Variants in FRMD5 observed in about 807,000 individuals in gnomAD.
FRMD5 encodes FERM domain-containing protein 5.
A neutral mutation model predicts 69.0 loss-of-function variants in FRMD5; 20 were observed. The observed-to-expected ratio is 0.29, with a 90% confidence interval of 0.20 to 0.42. The LOEUF is 0.42. FRMD5 is among the 10% of genes least tolerant of loss of function. The pLI, the probability that FRMD5 is intolerant of heterozygous loss-of-function variation, is 1.00. For synonymous variants in FRMD5, 271 were observed against 260.1 expected (o/e 1.04, Z -0.40); for missense variants, 595 against 708.6 (o/e 0.84, Z 1.82).
At chr15:43,878,102 A>G (rs1180168197) in intron 13 of FRMD5, among the ~76,000 whole-genome samples, 1 of 152,180 alleles carries the variant, frequency 6.6e-6, no homozygotes, top group African/African-American at 2.4e-5. Context: ...TCCCAGGCTC[A>G]GGTGATCCTC....
chr15:44,030,199 T>TC (rs1365331010), intron 1 of FRMD5, among the ~76,000 whole-genome samples: 6 of 152,128 alleles, frequency 3.9e-5, no homozygotes. Context: ...ACTGATTTTT[T>TC]TTTTTTACAA....
intron 1 of FRMD5, among the ~76,000 whole-genome samples, chr15:44,154,524 T>G (rs1053748466): frequency 2.0e-5 from 3 of 152,190 alleles, no homozygotes; most frequent in Non-Finnish European, 4.4e-5. Flanking sequence ...AAATAGTTAT[T>G]TATGATTTAT....
At chr15:43,903,118 G>T (rs1000968044) in intron 6 of FRMD5, among the ~76,000 whole-genome samples, 1 of 152,244 alleles carries the variant, frequency 6.6e-6, no homozygotes, top group African/African-American at 2.4e-5. Context: ...TCTTTAGCAG[G>T]TGTGTTGATG....
chr15:44,108,027 A>G (rs568782597), intron 1 of FRMD5, among the ~76,000 whole-genome samples: 55 of 152,314 alleles, frequency 3.6e-4, no homozygotes, highest in African/African-American at 1.3e-3. Context: ...ACCAGGGGTA[A>G]ACAAATTATA....
At chr15:43,899,816 G>A (rs1264549742) in intron 7 of FRMD5, among the ~76,000 whole-genome samples, 1 of 152,192 alleles carries the variant, frequency 6.6e-6, no homozygotes, top group African/African-American at 2.4e-5. Context: ...GCTGAGACAG[G>A]AGCCTCACAG....
intron 1 of FRMD5, among the ~76,000 whole-genome samples, chr15:44,122,104 T>TAAAAA (rs1326344793): frequency 6.6e-6 from 1 of 151,946 alleles, no homozygotes; most frequent in Admixed American, 6.5e-5. Flanking sequence ...GAAGCTTTGG[T>TAAAAA]AAAAAATAAA....
At chr15:43,875,336 G>C (rs1341313251) in intron 13 of FRMD5, among the ~76,000 whole-genome samples, 5 of 89,976 alleles carry the variant, frequency 5.6e-5, no homozygotes, top group Non-Finnish European at 8.0e-5. Context: ...GAGCAACAGA[G>C]AAAGACTGTC....
chr15:43,999,795 C>T lies in FRMD5; in HGVS notation c.103-75486G>A, dbSNP rs117666155. Among the ~76,000 whole-genome samples, 792 of 151,488 alleles carry T rather than the reference C, an allele frequency of 5.2e-3. 2 individuals are homozygous for T. Among genetic ancestry groups the T allele is most frequent in the Non-Finnish European group, 8.3e-3 (562 of 67,914 alleles). ...GCTGGGTAGTATTTCATTGTATACA[C>T]ATGTGTGTGTATCTATATATGTGAA... On this transcript the variant is annotated intron_variant, in intron 1 of 13. Transcript: ENST00000417257.
intron 1 of FRMD5, among the ~76,000 whole-genome samples, chr15:43,996,281 C>G (rs968302399): frequency 6.6e-6 from 1 of 152,096 alleles, no homozygotes; most frequent in Non-Finnish European, 1.5e-5. Context: ...GGCCTGGAGT[C>G]AGGGACCATG....
chr15:44,046,420 A>G (rs961648634), intron 1 of FRMD5, among the ~76,000 whole-genome samples: 13 of 152,330 alleles, frequency 8.5e-5, no homozygotes, highest in African/African-American at 3.1e-4. Flanking sequence ...CACCAAGGAC[A>G]CTTCCATATC....
Position 43,906,973 on chromosome 15 carries a change from G to C in FRMD5, c.428-1022C>G, listed in dbSNP as rs74839201. ...TGAGCCTTTCTCCTCCAGCTATTCA[G>C]AGAGAGTTTATCTCTAAACCTGGTA... On this transcript the variant is annotated intron_variant, in intron 5 of 13. Transcript: ENST00000417257. Among the ~76,000 whole-genome samples the C allele has an allele frequency of 2.9e-3, 437 of 152,272 alleles. 2 individuals carry two copies. The highest frequency in any genetic ancestry group is 1.0e-2 in the African/African-American group (414 of 41,520).
At chr15:44,089,908 G>A (rs538683848) in intron 1 of FRMD5, among the ~76,000 whole-genome samples, 13 of 152,196 alleles carry the variant, frequency 8.5e-5, no homozygotes, top group Admixed American at 7.2e-4. Flanking sequence ...TTAGGCCTAA[G>A]GGCCTAATGA....
chr15:44,057,652 C>G (rs1179165707), intron 1 of FRMD5, among the ~76,000 whole-genome samples: 1 of 152,108 alleles, frequency 6.6e-6, no homozygotes, highest in Non-Finnish European at 1.5e-5. Context: ...TCTAGAGAAC[C>G]CAGGATACAA....
chr15:44,071,698 C>T (rs1893547152), intron 1 of FRMD5, among the ~76,000 whole-genome samples: 1 of 152,252 alleles, frequency 6.6e-6, no homozygotes, highest in African/African-American at 2.4e-5. Flanking sequence ...GGTTAATGTA[C>T]TCTTTTCCAT....
intron 1 of FRMD5, among the ~76,000 whole-genome samples, chr15:43,941,013 G>A (rs1280429761): frequency 6.6e-6 from 1 of 152,172 alleles, no homozygotes; most frequent in Non-Finnish European, 1.5e-5. Context: ...TTAAAAAAAT[G>A]TTTGTTAGAA....
chr15:43,971,864 G>A (rs1316762104), intron 1 of FRMD5, among the ~76,000 whole-genome samples: 13 of 147,394 alleles, frequency 8.8e-5, no homozygotes, highest in African/African-American at 2.7e-4. Context: ...CCGCCACCAC[G>A]CCTGGCTAAT....
intron 1 of FRMD5, among the ~76,000 whole-genome samples, chr15:44,168,405 C>T (rs2077744968): frequency 6.6e-6 from 1 of 152,166 alleles, no homozygotes; most frequent in Admixed American, 6.5e-5. Flanking sequence ...TGATTAAGTT[C>T]TCATAAGGAT....
intron 1 of FRMD5, among the ~76,000 whole-genome samples, chr15:44,068,916 C>G (rs1419237708): frequency 6.6e-6 from 1 of 152,140 alleles, no homozygotes; most frequent in Non-Finnish European, 1.5e-5. Context: ...AAGGCAGAGT[C>G]AAGGAATGAA....
At position 44,065,959 on chromosome 15, in the gene FRMD5, T is replaced by C. The variant is rs569236360; in HGVS notation, c.102+128994A>G. Reference sequence around the variant, plus strand: ...TACTCAACCAGTTCCACTTTTTTTTTACTCTTAATGTTTTGAGATTAAAGA... The same window carrying C: ...TACTCAACCAGTTCCACTTTTTTTTCACTCTTAATGTTTTGAGATTAAAGA... On this transcript the variant is annotated intron_variant, in intron 1 of 13. Transcript: ENST00000417257. Among the ~76,000 whole-genome samples, 5 of 152,318 alleles carry C rather than the reference T, an allele frequency of 3.3e-5. No individual in the cohort carries two copies. In the East Asian group the frequency reaches 9.6e-4, roughly 29 times the overall value.
Sources: allele counts gnomAD v4.1 joint callset (sites outside exome capture counted in the v4.1 genomes callset), GRCh38; gene constraint gnomAD v4.1.1; transcripts MANE v1.5; gene names NCBI Gene and HGNC (gene_info 2026-07-23, HGNC 2026-07-21).